Variants in SPTBN2 observed in about 807,000 individuals in gnomAD.
SPTBN2 encodes the protein spectrin beta, non-erythrocytic 2.
SPTBN2 carries 107 observed loss-of-function variants against 284.2 expected under a neutral mutation model. That is an observed-to-expected ratio of 0.38 (90% confidence interval 0.32 to 0.44). SPTBN2 has a LOEUF of 0.44. SPTBN2 is among the 20% of genes least tolerant of loss of function. SPTBN2 has a pLI of 1.00. For missense variants in SPTBN2, 2,569 were observed against 3,287.1 expected, an observed-to-expected ratio of 0.78 and a Z score of 5.34; for synonymous variants, 1,289 against 1,354.8, an observed-to-expected ratio of 0.95 and a Z score of 1.07.
Position 66,700,934 on chromosome 11 carries a change from C to A in SPTBN2, c.3165G>T (p.Arg1055=). The change falls in exon 17 of 38, where the codon CGG becomes CGT. Residue 1055 remains arginine (R), a synonymous_variant. Coordinates refer to ENST00000533211, the MANE Select transcript of SPTBN2 (RefSeq NM_006946.4). The surrounding 1 kb of genome is among the most constrained non-coding windows in gnomAD (Gnocchi z 6.6). ...TGWEDLRATM[R]RREESLGEAR... ...CCTCCCCCAGCGACTCTTCTCGACG[C>A]CGCATGGTGGCCCTGAGGTCCTCCC... The A allele has an allele frequency of 6.2e-7, 1 of 1,603,318 alleles. No homozygotes were observed. Among genetic ancestry groups the A allele is most frequent in the Non-Finnish European group, 8.5e-7 (1 of 1,179,862 alleles).
chr11:66,717,554 C>G (rs772623152), intron 3 of SPTBN2, among the ~76,000 whole-genome samples: 1 of 152,210 alleles, frequency 6.6e-6, no homozygotes, highest in Non-Finnish European at 1.5e-5. Context: ...TAACATGGGA[C>G]GGCCCCATGC....
At chr11:66,699,657 C>A (rs763112801) in intron 17 of SPTBN2, 49 bp from the exon 18 acceptor site, 1 of 1,604,624 alleles carries the variant, frequency 6.2e-7, no homozygotes, top group South Asian at 1.1e-5. Context: ...CACAATTCAC[C>A]CCCCTAGGAG....
chr11:66,735,834 A>G (rs1942847934), intron 1 of SPTBN2, among the ~76,000 whole-genome samples: 1 of 152,216 alleles, frequency 6.6e-6, no homozygotes, highest in African/African-American at 2.4e-5. Context: ...TTTAGCTATC[A>G]GTAGAAATGA....
rs552482265 is a variant in SPTBN2 at position 66,710,404 on chromosome 11, C to T, written c.1073+178G>A. ...CGGCCCACAGCATGATTTTTAAAAA[C>T]GACTAATCATTAAAAAATTTTATTT... On this transcript the variant is annotated intron_variant, in intron 10 of 37. Coordinates refer to ENST00000533211, the MANE Select transcript of SPTBN2 (RefSeq NM_006946.4). This position sits in a 1 kb window ranked among gnomAD's most constrained non-coding sequence, Gnocchi z 4.9. Among the ~76,000 whole-genome samples, 15 of 152,176 alleles carry T rather than the reference C, an allele frequency of 9.9e-5. 1 individual carries two copies. In the East Asian group the frequency reaches 2.3e-3, roughly 24 times the overall value.
At chr11:66,721,822 G>C (rs1373617729) in intron 1 of SPTBN2, among the ~76,000 whole-genome samples, 1 of 151,986 alleles carries the variant, frequency 6.6e-6, no homozygotes, top group African/African-American at 2.4e-5. Flanking sequence ...GAGGTGGGTG[G>C]ATCACCTGAG....
intron 20 of SPTBN2, among the ~76,000 whole-genome samples, chr11:66,697,761 C>T (rs1474329470): frequency 6.6e-6 from 1 of 152,178 alleles, no homozygotes; most frequent in Non-Finnish European, 1.5e-5. Context: ...TAGCTACCTG[C>T]ATATATGCCT....
Position 66,699,516 on chromosome 11 carries a change from G to A in SPTBN2, c.3666C>T (p.Asp1222=), listed in dbSNP as rs375269095. The change falls in exon 18 of 38, where the codon GAC becomes GAT. Residue 1222 remains aspartate (D), a synonymous_variant. Transcript: ENST00000533211. Reference sequence around the variant, plus strand: ...GCCCGTGGATCCGTTCCCCATTGGCGTCCATGGTGCTCATGAAGTCCTCCA... The same window carrying A: ...GCCCGTGGATCCGTTCCCCATTGGCATCCATGGTGCTCATGAAGTCCTCCA... ...KKLEDFMSTM[D]ANGERIHGLL... is the part of the protein sequence containing the mutation. 2.5e-5 allele frequency: 40 copies of A among 1,614,016 alleles called. No homozygotes were observed. The highest frequency in any genetic ancestry group is 3.1e-5 in the Non-Finnish European group (36 of 1,180,052).
chr11:66,694,156 C>T lies in SPTBN2; in HGVS notation c.4486G>A (p.Asp1496Asn), dbSNP rs749661458. 2.9e-5 allele frequency: 46 copies of T among 1,608,402 alleles called. No individual in the cohort carries two copies. The East Asian group carries it at 7.1e-4, about 25-fold the overall frequency. ...ASREQHQFHR[D>N]VEDEILWVTE... Reference sequence around the variant, plus strand: ...TGACTCACAATCTCATCTTCCACATCGCGGTGGAACTGGTGCTGCTCGCGA... The same window carrying T: ...TGACTCACAATCTCATCTTCCACATTGCGGTGGAACTGGTGCTGCTCGCGA... Residue 1496 changes from aspartate (D) to asparagine (N), a missense_variant, in exon 22 of 38, where the codon GAT (aspartate) becomes AAT (asparagine). Physicochemically the swap from Asp to Asn is conservative, Grantham distance 23. This residue lies in a region of SPTBN2 where 1,130 missense variants were observed against 1,317.3 expected (regional missense o/e 0.86). Transcript: ENST00000533211.
rs751537441 is a variant in SPTBN2 at position 66,693,485 on chromosome 11, G to A, written c.4594-39C>T. The A allele has an allele frequency of 2.5e-6, 4 of 1,577,666 alleles. No homozygotes were observed. The highest frequency in any genetic ancestry group is 3.4e-6 in the Non-Finnish European group (4 of 1,170,038). On this transcript the variant is annotated intron_variant, in intron 23 of 37. Transcript: ENST00000533211. This position sits in a 1 kb window ranked among gnomAD's most constrained non-coding sequence, Gnocchi z 5.7. ...CAGAAGAGAAAATGCTGAAAGTCCTGCCCCAGCCCCACGTGCTCCCGGAGA... is the reference window on the plus strand; with the variant it reads ...CAGAAGAGAAAATGCTGAAAGTCCTACCCCAGCCCCACGTGCTCCCGGAGA...
chr11:66,707,677 C>A lies in SPTBN2; in HGVS notation c.1492G>T (p.Asp498Tyr), dbSNP rs1358259183. The A allele has an allele frequency of 1.2e-6, 2 of 1,606,284 alleles. No individual in the cohort carries two copies. Among genetic ancestry groups the A allele is most frequent in the South Asian group, 1.1e-5 (1 of 91,054 alleles). The change falls in exon 13 of 38, where the codon GAC becomes TAC. Residue 498 changes from aspartate to tyrosine, a missense_variant. Physicochemically the swap from Asp to Tyr is radical, Grantham distance 160 (BLOSUM62 -3). This residue lies in a region of SPTBN2 where 1,012 missense variants were observed against 1,248.9 expected (regional missense o/e 0.81). Coordinates refer to ENST00000533211, the MANE Select transcript of SPTBN2 (RefSeq NM_006946.4). The surrounding 1 kb of genome is among the most constrained non-coding windows in gnomAD (Gnocchi z 4.9). ...TGCCGAGCGGCGATGCGCTTGATGT[C>A]GTGGTAGCGCTCGGCGGCCAGCTCT... is the stretch of plus-strand genomic sequence containing the variant. ...AAELAAERYH[D>Y]IKRIAARQHN...
At position 66,708,898 on chromosome 11, in the gene SPTBN2, G is replaced by A. The variant is rs745689014; in HGVS notation, c.1191+4C>T. On this transcript the variant is annotated splice_donor_region_variant and intron_variant, in intron 11 of 37. Transcript: ENST00000533211. The surrounding 1 kb of genome is among the most constrained non-coding windows in gnomAD (Gnocchi z 4.4). ...GGGTGGGTGGCCTGTGGGCAGCCAC[G>A]GACCTTGTTGATGTCCGAGATGAGC... 1.2e-5 allele frequency: 19 copies of A among 1,613,082 alleles called. No individual in the cohort carries two copies. The highest frequency in any genetic ancestry group is 3.3e-5 in the South Asian group (3 of 91,068).
At chr11:66,692,782 T>C (rs779285619) in intron 25 of SPTBN2, 42 bp from the exon 26 acceptor site, 3 of 1,599,242 alleles carry the variant, frequency 1.9e-6, no homozygotes, top group Admixed American at 3.3e-5. Flanking sequence ...CTTAGGGGTG[T>C]AGCTCTGACC....
intron 27 of SPTBN2, among the ~76,000 whole-genome samples, chr11:66,690,518 T>C (rs1940469618): frequency 6.6e-6 from 1 of 152,138 alleles, no homozygotes; most frequent in Admixed American, 6.5e-5. Flanking sequence ...AAAAGAGCCA[T>C]TGGCCAGTTG....
At chr11:66,695,592 C>T (rs1940857036) in intron 21 of SPTBN2, among the ~76,000 whole-genome samples, 1 of 152,084 alleles carries the variant, frequency 6.6e-6, no homozygotes, top group African/African-American at 2.4e-5. Context: ...TCCGCAGCTG[C>T]TTTTCCTTAC....
rs559288895 is a variant in SPTBN2 at position 66,708,709 on chromosome 11, C to A, written c.1191+193G>T. Reference sequence around the variant, plus strand: ...AGAGTCAGACAAAGGGACAGGGAGCCGTGTGCCTGAGAGGATGGGAGAATC... The same window carrying A: ...AGAGTCAGACAAAGGGACAGGGAGCAGTGTGCCTGAGAGGATGGGAGAATC... On this transcript the variant is annotated intron_variant, in intron 11 of 37. Transcript: ENST00000533211. This position sits in a 1 kb window ranked among gnomAD's most constrained non-coding sequence, Gnocchi z 4.4. Among the ~76,000 whole-genome samples, 1 of 152,228 alleles carries A rather than the reference C, an allele frequency of 6.6e-6. No individual in the cohort carries two copies. Among genetic ancestry groups the A allele is most frequent in the African/African-American group, 2.4e-5 (1 of 41,522 alleles).
chr11:66,713,996 C>A (rs1313434560), intron 7 of SPTBN2, 95 bp downstream of exon 7: 5 of 1,296,590 alleles, frequency 3.9e-6, no homozygotes, highest in Non-Finnish European at 5.6e-6. Context: ...CGTCTGACTG[C>A]TGTGCAGCTC....
In SPTBN2 at chr11:66,693,621, G is replaced by T; in HGVS notation, c.4593+151C>A. The T allele has an allele frequency of 1.5e-6, 2 of 1,293,806 alleles. No homozygotes were observed. Among genetic ancestry groups the T allele is most frequent in the Non-Finnish European group, 2.2e-6 (2 of 928,068 alleles). The allele number at this position is 1,293,806 out of a possible 1,614,324, so 80.1% of individuals were successfully genotyped here. The stretch of plus-strand genomic sequence containing the variant: ...CGCCCAGCCCCCACTATCTCCTACT[G>T]AGAGGACCCACCCTCCCAAGGTGAG... On this transcript the variant is annotated intron_variant, in intron 23 of 37. Transcript: ENST00000533211. The surrounding 1 kb of genome is among the most constrained non-coding windows in gnomAD (Gnocchi z 5.7).
chr11:66,723,082 C>T (rs1259011377), intron 1 of SPTBN2, among the ~76,000 whole-genome samples: 1 of 151,876 alleles, frequency 6.6e-6, no homozygotes, highest in African/African-American at 2.4e-5. Flanking sequence ...GATGAGCAGC[C>T]GTGGCTCCTG....
intron 29 of SPTBN2, 125 bp from the exon 30 acceptor site, chr11:66,689,305 G>T: frequency 1.9e-6 from 2 of 1,074,724 alleles, no homozygotes; most frequent in Non-Finnish European, 2.7e-6. Flanking sequence ...ACGGAGTTTC[G>T]CTCTTATCAC....
Sources: allele counts gnomAD v4.1 joint callset (sites outside exome capture counted in the v4.1 genomes callset), GRCh38; gene constraint gnomAD v4.1.1; regional missense constraint gnomAD v4.1.1; non-coding constraint Gnocchi (gnomAD v3.1); transcripts MANE v1.5; gene names NCBI Gene and HGNC (gene_info 2026-07-23, HGNC 2026-07-21).